Variants in SMIM5 observed in about 807,000 individuals in gnomAD.
The protein encoded by SMIM5 is chromosome 17 open reading frame 109.
Under a neutral mutation model 4.0 loss-of-function variants are expected in SMIM5, and 4 were observed. The observed-to-expected ratio is 1.01, with a 90% CI of 0.50 to 2.30. The LOEUF is 2.30. Ranked by LOEUF, SMIM5 falls within the 30% of genes most tolerant of loss-of-function variation. SMIM5 has a pLI of 0.02. For synonymous variants in SMIM5, 46 were observed against 43.6 expected (o/e 1.05, Z -0.22); for missense variants, 107 against 99.2 (o/e 1.08, Z -0.34).
intron 1 of SMIM5, chr17:75,635,959 G>A (rs896121524): frequency 2.0e-5 from 12 of 604,974 alleles, no homozygotes; most frequent in South Asian, 1.5e-4. Flanking sequence ...GCAAGGCTCC[G>A]TGTGCCAGGA....
At chr17:75,638,347 G>A (rs558235641) in intron 1 of SMIM5, 1 of 152,396 alleles carries the variant, frequency 6.6e-6, no homozygotes, top group Non-Finnish European at 1.5e-5. Flanking sequence ...CGGGCATGGT[G>A]GCGCACACTC....
Position 75,640,371 on chromosome 17 carries a change from T to C in SMIM5, c.127+43T>C. On this transcript the variant is annotated intron_variant, in intron 2 of 2. Coordinates refer to ENST00000375215, the MANE Select transcript of SMIM5 (RefSeq NM_001162995.3). The surrounding 1 kb of genome is among the most constrained non-coding windows in gnomAD (Gnocchi z 4.6). Reference sequence around the variant, plus strand: ...GCACCCCATGGCTCTCCCTGGCATCTGGGAGAGACCACACCATGGTGCCAG... The same window carrying C: ...GCACCCCATGGCTCTCCCTGGCATCCGGGAGAGACCACACCATGGTGCCAG... The C allele has an allele frequency of 6.7e-7, 1 of 1,499,238 alleles. No homozygotes were observed. The highest frequency in any genetic ancestry group is 8.9e-7 in the Non-Finnish European group (1 of 1,118,410). The allele number at this position is 1,499,238 out of a possible 1,614,324, so 92.9% of individuals were successfully genotyped here.
chr17:75,633,640 T>C lies in SMIM5; in HGVS notation c.-599T>C. Reference sequence around the variant, plus strand: ...CCAGCTCCCCACTGTTTACTGTTGTTCCTGAGAGAGGCCAGAGGGAGGGAC... The same window carrying C: ...CCAGCTCCCCACTGTTTACTGTTGTCCCTGAGAGAGGCCAGAGGGAGGGAC... On this transcript the variant is annotated 5_prime_UTR_variant, in exon 1 of 3. Transcript: ENST00000375215. 1 of 1,181,918 alleles carries C rather than the reference T, an allele frequency of 8.5e-7. No homozygotes were observed. The allele number at this position is 1,181,918 out of a possible 1,614,324, so 73.2% of individuals were successfully genotyped here.
chr17:75,634,344 C>G, intron 1 of SMIM5, 142 bp downstream of exon 1: 1 of 750,108 alleles, frequency 1.3e-6, no homozygotes, highest in Non-Finnish European at 1.6e-6. Context: ...GCAGGGAAGT[C>G]AGCCAGCCTC....
rs768733932 is a variant in SMIM5, at chr17:75,640,449, G to C, written c.127+121G>C. 6 of 1,411,684 alleles carry C rather than the reference G, an allele frequency of 4.3e-6. No homozygotes were observed. Among genetic ancestry groups the C allele is most frequent in the East Asian group, 2.5e-5 (1 of 39,518 alleles). 87.4% of individuals were successfully genotyped at this position (1,411,684 alleles called of 1,614,324 possible). A position where few individuals can be genotyped will look rare whatever the true frequency, so the allele number is the denominator to read the frequency against. On this transcript the variant is annotated intron_variant, in intron 2 of 2. Coordinates refer to ENST00000375215, the MANE Select transcript of SMIM5 (RefSeq NM_001162995.3). This position sits in a 1 kb window ranked among gnomAD's most constrained non-coding sequence, Gnocchi z 4.6. ...TCTGCCGGATCAAGGAGGAAAACCAGTTGTCCCTTGGGGGAAGCCAAGGGA... is the reference window on the plus strand; with the variant it reads ...TCTGCCGGATCAAGGAGGAAAACCACTTGTCCCTTGGGGGAAGCCAAGGGA...
At chr17:75,635,858 C>G in intron 1 of SMIM5, 1 of 985,490 alleles carries the variant, frequency 1.0e-6, no homozygotes, top group Non-Finnish European at 1.2e-6. Flanking sequence ...TCGTGAGGCG[C>G]CTGGGGTTGG....
Position 75,640,449 on chromosome 17 carries a change from G to A in SMIM5, c.127+121G>A, listed in dbSNP as rs768733932. The A allele has an allele frequency of 4.7e-5, 66 of 1,411,684 alleles. No individual in the cohort carries two copies. Among genetic ancestry groups the A allele is most frequent in the Non-Finnish European group, 6.1e-5 (65 of 1,070,334 alleles). 87.4% of individuals were successfully genotyped at this position (1,411,684 alleles called of 1,614,324 possible). A position where few individuals can be genotyped will look rare whatever the true frequency, so the allele number is the denominator to read the frequency against. ...TCTGCCGGATCAAGGAGGAAAACCA[G>A]TTGTCCCTTGGGGGAAGCCAAGGGA... On this transcript the variant is annotated intron_variant, in intron 2 of 2. Coordinates refer to ENST00000375215, the MANE Select transcript of SMIM5 (RefSeq NM_001162995.3). The surrounding 1 kb of genome is among the most constrained non-coding windows in gnomAD (Gnocchi z 4.6).
Position 75,634,090 on chromosome 17 carries a change from C to G in SMIM5, c.-149C>G. 1 of 985,624 alleles carries G rather than the reference C, an allele frequency of 1.0e-6. No homozygotes were observed. Among genetic ancestry groups the G allele is most frequent in the Non-Finnish European group, 1.2e-6 (1 of 830,074 alleles). The allele number at this position is 985,624 out of a possible 1,614,324, so 61.1% of individuals were successfully genotyped here. On this transcript the variant is annotated 5_prime_UTR_variant, in exon 1 of 3. Coordinates refer to ENST00000375215, the MANE Select transcript of SMIM5 (RefSeq NM_001162995.3). ...CAGCAGCTGGCTGTCAGCAGAGGAG[C>G]TGGGCTGAGGCGCCCAGGGGAGCAG... is the stretch of plus-strand genomic sequence containing the variant.
At position 75,640,395 on chromosome 17, in the gene SMIM5, A is replaced by C; in HGVS notation, c.127+67A>C. On this transcript the variant is annotated intron_variant, in intron 2 of 2. Transcript: ENST00000375215. This position sits in a 1 kb window ranked among gnomAD's most constrained non-coding sequence, Gnocchi z 4.6. Reference sequence around the variant, plus strand: ...CTGGGAGAGACCACACCATGGTGCCAGCCAGAGGGCTGGCAGAGGTGGCGG... The same window carrying C: ...CTGGGAGAGACCACACCATGGTGCCCGCCAGAGGGCTGGCAGAGGTGGCGG... 6.8e-7 allele frequency: 1 copy of C among 1,462,142 alleles called. No homozygotes were observed. The highest frequency in any genetic ancestry group is 9.1e-7 in the Non-Finnish European group (1 of 1,102,810). The allele number at this position is 1,462,142 out of a possible 1,614,324, so 90.6% of individuals were successfully genotyped here.
chr17:75,640,126 C>T lies in SMIM5; in HGVS notation c.-36-40C>T. The T allele has an allele frequency of 6.9e-7, 1 of 1,446,288 alleles. No homozygotes were observed. Among genetic ancestry groups the T allele is most frequent in the Non-Finnish European group, 9.1e-7 (1 of 1,102,796 alleles). 89.6% of individuals were successfully genotyped at this position (1,446,288 alleles called of 1,614,324 possible). ...TCTCGGTGCTGCGACGAGTGTGGGG[C>T]CAGCCGTGGAGGCTCCAGGTGTTCT... On this transcript the variant is annotated intron_variant, in intron 1 of 2. Coordinates refer to ENST00000375215, the MANE Select transcript of SMIM5 (RefSeq NM_001162995.3). This position sits in a 1 kb window ranked among gnomAD's most constrained non-coding sequence, Gnocchi z 4.6.
Position 75,640,102 on chromosome 17 carries a change from C to A in SMIM5, c.-36-64C>A. 7.0e-7 allele frequency: 1 copy of A among 1,425,938 alleles called. No homozygotes were observed. The highest frequency in any genetic ancestry group is 9.2e-7 in the Non-Finnish European group (1 of 1,087,988). The allele number at this position is 1,425,938 out of a possible 1,614,324, so 88.3% of individuals were successfully genotyped here. ...CTGCGGATGGGTGCGAGGGTGGAAT[C>A]TCGGTGCTGCGACGAGTGTGGGGCC... On this transcript the variant is annotated intron_variant, in intron 1 of 2. Coordinates refer to ENST00000375215, the MANE Select transcript of SMIM5 (RefSeq NM_001162995.3). This position sits in a 1 kb window ranked among gnomAD's most constrained non-coding sequence, Gnocchi z 4.6.
At chr17:75,638,463 AAGAG>A (rs2059369620) in intron 1 of SMIM5, 1 of 152,364 alleles carries the variant, frequency 6.6e-6, no homozygotes, top group Non-Finnish European at 1.5e-5. Context: ...CTTGGGCAAC[AAGAG>A]AGAAACTCCA....
chr17:75,634,641 G>C (rs72854940), intron 1 of SMIM5, among the ~76,000 whole-genome samples: 3 of 152,164 alleles, frequency 2.0e-5, no homozygotes, highest in Non-Finnish European at 2.9e-5. Flanking sequence ...AGCATGCGGC[G>C]CCCCCAGGAT....
Position 75,640,117 on chromosome 17 carries a change from A to G in SMIM5, c.-36-49A>G. On this transcript the variant is annotated intron_variant, in intron 1 of 2. Transcript: ENST00000375215. The surrounding 1 kb of genome is among the most constrained non-coding windows in gnomAD (Gnocchi z 4.6). ...AGGGTGGAATCTCGGTGCTGCGACGAGTGTGGGGCCAGCCGTGGAGGCTCC... is the reference window on the plus strand; with the variant it reads ...AGGGTGGAATCTCGGTGCTGCGACGGGTGTGGGGCCAGCCGTGGAGGCTCC... 1 of 1,441,906 alleles carries G rather than the reference A, an allele frequency of 6.9e-7. No homozygotes were observed. Among genetic ancestry groups the G allele is most frequent in the South Asian group, 1.4e-5 (1 of 69,828 alleles). The allele number at this position is 1,441,906 out of a possible 1,614,324, so 89.3% of individuals were successfully genotyped here.
rs1452350478 is a variant in SMIM5 at position 75,640,317 on chromosome 17, T to C, written c.116T>C (p.Ile39Thr). ...PVEIVAFSVI[I>T]LFTATVLLLL... is the part of the protein sequence containing the mutation. ...GAGATCGTGGCCTTCTCAGTCATCA[T>C]CCTTTTCACAGGTTAGTTGGGGCAC... The change falls in exon 2 of 3, where the codon ATC becomes ACC. Residue 39 changes from isoleucine to threonine, a missense_variant. Coordinates refer to ENST00000375215, the MANE Select transcript of SMIM5 (RefSeq NM_001162995.3). This position sits in a 1 kb window ranked among gnomAD's most constrained non-coding sequence, Gnocchi z 4.6. The C allele has an allele frequency of 1.3e-6, 2 of 1,549,270 alleles. No homozygotes were observed. Among genetic ancestry groups the C allele is most frequent in the Non-Finnish European group, 1.7e-6 (2 of 1,145,740 alleles).
intron 1 of SMIM5, 108 bp downstream of exon 1, chr17:75,634,310 G>C (rs911608102): frequency 1.5e-5 from 14 of 962,636 alleles, no homozygotes; most frequent in Non-Finnish European, 1.6e-5. Flanking sequence ...AGAGGTCTTC[G>C]GGGACATGCT....
rs947502349 is a variant in SMIM5, at chr17:75,636,709, T to G, written c.-37+2507T>G. 6.6e-6 allele frequency: 1 copy of G among 152,332 alleles called. No individual in the cohort carries two copies. The highest frequency in any genetic ancestry group is 1.5e-5 in the Non-Finnish European group (1 of 68,132). 9.4% of individuals were successfully genotyped at this position (152,332 alleles called of 1,614,324 possible). On this transcript the variant is annotated intron_variant, in intron 1 of 2. Coordinates refer to ENST00000375215, the MANE Select transcript of SMIM5 (RefSeq NM_001162995.3). This position sits in a 1 kb window ranked among gnomAD's most constrained non-coding sequence, Gnocchi z 5.4. Reference sequence around the variant, plus strand: ...CCCCTCAGCTCCCCCACCTGCGCCATGAAGGTTCAGTCGCGGGTTTACGCT... The same window carrying G: ...CCCCTCAGCTCCCCCACCTGCGCCAGGAAGGTTCAGTCGCGGGTTTACGCT...
chr17:75,641,203 T>C lies in SMIM5; in HGVS notation c.*306T>C, dbSNP rs2059429257. 2 of 330,272 alleles carry C rather than the reference T, an allele frequency of 6.1e-6. No individual in the cohort carries two copies. The highest frequency in any genetic ancestry group is 5.6e-5 in the East Asian group (1 of 17,924). The allele number at this position is 330,272 out of a possible 1,614,324, so 20.5% of individuals were successfully genotyped here. A position where few individuals can be genotyped will look rare whatever the true frequency, so the allele number is the denominator to read the frequency against. On this transcript the variant is annotated 3_prime_UTR_variant, in exon 3 of 3. Transcript: ENST00000375215. Reference sequence around the variant, plus strand: ...TTTTAACAAAACAAGGAAGTAGGGGTCCCCATACCTTGATGGAGAACAGTC... The same window carrying C: ...TTTTAACAAAACAAGGAAGTAGGGGCCCCCATACCTTGATGGAGAACAGTC...
intron 1 of SMIM5, among the ~76,000 whole-genome samples, chr17:75,635,542 G>C (rs2059305237): frequency 6.6e-6 from 1 of 152,222 alleles, no homozygotes; most frequent in Admixed American, 6.5e-5. Flanking sequence ...CCTGCCAGGG[G>C]TTCAAGCACC....
Sources: gnomAD v4.1 joint callset for allele counts (sites outside exome capture counted in the v4.1 genomes callset) on GRCh38, gnomAD v4.1.1 for gene constraint, Gnocchi (gnomAD v3.1) non-coding constraint, MANE v1.5 for transcripts, NCBI Gene and HGNC (gene_info 2026-07-23, HGNC 2026-07-21) for gene names.